PTPRD: variants seen among roughly 807,000 people sequenced by gnomAD.
PTPRD encodes receptor-type tyrosine-protein phosphatase delta.
PTPRD carries 34 observed loss-of-function variants against 214.5 expected under a neutral mutation model. The observed-to-expected ratio is 0.16, with a 90% confidence interval of 0.12 to 0.21. The LOEUF is 0.21. Ranked by LOEUF, PTPRD falls within the 10% of genes least tolerant of loss-of-function variation. The pLI, the probability that PTPRD is intolerant of heterozygous loss-of-function variation, is 1.00. For missense variants in PTPRD, 2,545 were observed against 2,398.7 expected (o/e 1.06, Z -1.27); for synonymous variants, 1,128 against 845.7 (o/e 1.33, Z -5.79).
At position 8,487,336 on chromosome 9, in the gene PTPRD, G is replaced by A. The variant is rs147895145; in HGVS notation, c.2468-987C>T. On this transcript the variant is annotated intron_variant, in intron 27 of 45. Coordinates refer to ENST00000381196, the MANE Select transcript of PTPRD (RefSeq NM_002839.4). ...ATCTACTCATTCAATGTATTATTATGTCTGTATTTATTTTTAATGGAGAGC... is the reference window on the plus strand; with the variant it reads ...ATCTACTCATTCAATGTATTATTATATCTGTATTTATTTTTAATGGAGAGC... 7.4e-3 allele frequency among the ~76,000 whole-genome samples: 1,125 copies of A among 152,256 alleles called. 16 individuals carry two copies. The highest frequency in any genetic ancestry group is 0.026 in the African/African-American group (1,060 of 41,544).
chr9:8,544,866 G>T (rs1323813658), intron 14 of PTPRD, among the ~76,000 whole-genome samples: 1 of 148,598 alleles, frequency 6.7e-6, no homozygotes, highest in Non-Finnish European at 1.5e-5. Flanking sequence ...GACAATAACA[G>T]CTGGGTCATA....
At chr9:9,260,107 A>G (rs1313148198) in intron 9 of PTPRD, among the ~76,000 whole-genome samples, 2 of 151,882 alleles carry the variant, frequency 1.3e-5, no homozygotes, top group African/African-American at 2.4e-5. Context: ...TGTGAAATAT[A>G]TTTTCTATAA....
At chr9:9,973,850 T>C (rs2095250293) in intron 4 of PTPRD, among the ~76,000 whole-genome samples, 1 of 152,198 alleles carries the variant, frequency 6.6e-6, no homozygotes, top group South Asian at 2.1e-4. Context: ...AATTTTCTAA[T>C]TAGCCAGTAA....
chr9:9,090,821 A>G (rs895516802), intron 10 of PTPRD: 57 of 732,130 alleles, frequency 7.8e-5, no homozygotes, highest in Non-Finnish European at 1.2e-4. Context: ...TGACATCTCA[A>G]TGATATCTTA....
intron 3 of PTPRD, among the ~76,000 whole-genome samples, chr9:10,241,476 C>A (rs576864487): frequency 6.6e-6 from 1 of 151,816 alleles, no homozygotes; most frequent in Non-Finnish European, 1.5e-5. Flanking sequence ...AATGGAAAAC[C>A]AAATTATAGT....
intron 2 of PTPRD, among the ~76,000 whole-genome samples, chr9:10,453,291 C>G (rs891173865): frequency 1.3e-5 from 2 of 151,438 alleles, no homozygotes; most frequent in African/African-American, 4.8e-5. Flanking sequence ...GATTCTTTGA[C>G]TATTCATGAG....
chr9:8,692,731 T>C (rs2097834273), intron 12 of PTPRD, among the ~76,000 whole-genome samples: 1 of 152,120 alleles, frequency 6.6e-6, no homozygotes, highest in Non-Finnish European at 1.5e-5. Context: ...ACGCCTCCTT[T>C]TGATACCTTC....
chr9:8,665,783 T>G (rs2154358737), intron 12 of PTPRD, among the ~76,000 whole-genome samples: 1 of 152,334 alleles, frequency 6.6e-6, no homozygotes, highest in African/African-American at 2.4e-5. Flanking sequence ...AAGCTTGAAT[T>G]TAAGCAGTTC....
At position 9,815,610 on chromosome 9, in the gene PTPRD, C is replaced by T. The variant is rs143054797; in HGVS notation, c.-367-48759G>A. ...ACTGGGAAAATGCAATCCTTATATG[C>T]TTCCATTATGCTAAGTGAAATAAGC... is the stretch of plus-strand genomic sequence containing the variant. On this transcript the variant is annotated intron_variant, in intron 5 of 45. Transcript: ENST00000381196. Among the ~76,000 whole-genome samples the T allele has an allele frequency of 3.4e-3, 521 of 152,212 alleles. 3 individuals carry two copies. Among genetic ancestry groups the T allele is most frequent in the South Asian group, 0.022 (107 of 4,828 alleles).
intron 9 of PTPRD, among the ~76,000 whole-genome samples, chr9:9,372,094 T>A (rs1161902442): frequency 6.6e-6 from 1 of 152,146 alleles, no homozygotes; most frequent in African/African-American, 2.4e-5. Flanking sequence ...ATTCTGTTGA[T>A]TTGGGGTGGA....
At chr9:8,541,545 T>G (rs560600052) in intron 14 of PTPRD, among the ~76,000 whole-genome samples, 2 of 152,108 alleles carry the variant, frequency 1.3e-5, no homozygotes, top group Non-Finnish European at 2.9e-5. Flanking sequence ...TTTATTCTTT[T>G]TGTGGAGATG....
chr9:9,559,912 C>G (rs1485304799), intron 8 of PTPRD, among the ~76,000 whole-genome samples: 1 of 152,190 alleles, frequency 6.6e-6, no homozygotes, highest in African/African-American at 2.4e-5. Context: ...CTTCCACTGA[C>G]CAGCTTCCAC....
At chr9:8,851,520 G>A (rs543949683) in intron 11 of PTPRD, among the ~76,000 whole-genome samples, 1 of 152,060 alleles carries the variant, frequency 6.6e-6, no homozygotes, top group South Asian at 2.1e-4. Context: ...CAGGAAAAAC[G>A]TACACAAAAC....
At chr9:8,389,163 A>G in intron 37 of PTPRD, 69 bp downstream of exon 37, 1 of 1,386,070 alleles carries the variant, frequency 7.2e-7, no homozygotes, top group Non-Finnish European at 9.8e-7. Flanking sequence ...TCTGAACAGA[A>G]TAAAATATGC....
At chr9:9,575,452 G>A (rs776233100) in intron 7 of PTPRD, among the ~76,000 whole-genome samples, 8 of 151,950 alleles carry the variant, frequency 5.3e-5, no homozygotes, top group Non-Finnish European at 1.0e-4. Flanking sequence ...CAGGTGCGGT[G>A]GCTCATGCCT....
intron 9 of PTPRD, among the ~76,000 whole-genome samples, chr9:9,268,168 G>T (rs1013986418): frequency 6.6e-6 from 1 of 150,952 alleles, no homozygotes; most frequent in Non-Finnish European, 1.5e-5. Flanking sequence ...CAGTGAAGTC[G>T]CAGGATAAAA....
At chr9:9,990,520 G>A (rs144837972) in intron 4 of PTPRD, among the ~76,000 whole-genome samples, 2 of 152,310 alleles carry the variant, frequency 1.3e-5, no homozygotes, top group East Asian at 1.9e-4. Context: ...ACTGTGCCCA[G>A]TGGCCAAGCA....
At chr9:8,851,424 T>C (rs1177914505) in intron 11 of PTPRD, among the ~76,000 whole-genome samples, 1 of 152,224 alleles carries the variant, frequency 6.6e-6, no homozygotes, top group Non-Finnish European at 1.5e-5. Flanking sequence ...GCCATGCTAA[T>C]ATGTACAGAC....
intron 3 of PTPRD, among the ~76,000 whole-genome samples, chr9:10,222,887 A>G (rs541774409): frequency 1.3e-5 from 2 of 152,162 alleles, no homozygotes; most frequent in South Asian, 2.1e-4. Flanking sequence ...GAAAATCTCA[A>G]AGAAAGATAA....
Sources: allele counts gnomAD v4.1 joint callset (sites outside exome capture counted in the v4.1 genomes callset), GRCh38; gene constraint gnomAD v4.1.1; transcripts MANE v1.5; gene names NCBI Gene and HGNC (gene_info 2026-07-23, HGNC 2026-07-21).